Variants in R3HDM2 observed in about 807,000 individuals in gnomAD.
R3HDM2 encodes the protein R3H domain-containing protein 2.
R3HDM2 carries 38 observed loss-of-function variants against 124.5 expected under a neutral mutation model. The observed-to-expected ratio is 0.31, with a 90% CI of 0.24 to 0.40. R3HDM2 has a LOEUF of 0.40. R3HDM2 is among the 10% of genes least tolerant of loss of function. The pLI, the probability that R3HDM2 is intolerant of heterozygous loss-of-function variation, is 1.00. For synonymous variants in R3HDM2, 391 were observed against 448.0 expected (o/e 0.87, Z 1.61); for missense variants, 869 against 1,236.9 (o/e 0.70, Z 4.46).
chr12:57,423,057 C>T (rs2070359299), intron 1 of R3HDM2, among the ~76,000 whole-genome samples: 1 of 151,994 alleles, frequency 6.6e-6, no homozygotes, highest in Admixed American at 6.6e-5. Context: ...ATAGCGTCAC[C>T]AAATATTTGA....
chr12:57,315,496 T>C (rs2054823243), intron 2 of R3HDM2, among the ~76,000 whole-genome samples: 1 of 152,196 alleles, frequency 6.6e-6, no homozygotes, highest in Non-Finnish European at 1.5e-5. Context: ...TTTGTTTCTT[T>C]TTCAAGGATG....
intron 2 of R3HDM2, among the ~76,000 whole-genome samples, chr12:57,391,493 G>A (rs2066675296): frequency 6.6e-6 from 1 of 152,208 alleles, no homozygotes; most frequent in African/African-American, 2.4e-5. Flanking sequence ...GATCCTTGTG[G>A]GGATGGAACT....
At chr12:57,405,431 C>G (rs967718409) in intron 1 of R3HDM2, among the ~76,000 whole-genome samples, 2 of 151,914 alleles carry the variant, frequency 1.3e-5, no homozygotes, top group East Asian at 1.9e-4. Flanking sequence ...ATCAGGAGTT[C>G]GAGACCAGCC....
At chr12:57,369,353 T>C (rs1207252397) in intron 2 of R3HDM2, among the ~76,000 whole-genome samples, 3 of 152,192 alleles carry the variant, frequency 2.0e-5, no homozygotes, top group Admixed American at 1.3e-4. Context: ...TAAAAGACTT[T>C]CATTGTAAAC....
At chr12:57,302,058 A>G (rs1480957488) in intron 4 of R3HDM2, among the ~76,000 whole-genome samples, 1 of 152,112 alleles carries the variant, frequency 6.6e-6, no homozygotes, top group African/African-American at 2.4e-5. Context: ...AGACAGGTGG[A>G]TCGCTTGAGC....
intron 19 of R3HDM2, among the ~76,000 whole-genome samples, chr12:57,260,050 G>A (rs552580144): frequency 6.6e-6 from 1 of 151,964 alleles, no homozygotes; most frequent in African/African-American, 2.4e-5. Context: ...GACTGATTGA[G>A]CCCAGGAGTT....
chr12:57,362,699 G>T (rs954728607), intron 2 of R3HDM2, among the ~76,000 whole-genome samples: 1 of 152,078 alleles, frequency 6.6e-6, no homozygotes, highest in Non-Finnish European at 1.5e-5. Context: ...ATTTCTGCAC[G>T]TTATAAACCC....
At chr12:57,398,796 CCTTT>C (rs1281962947) in intron 1 of R3HDM2, among the ~76,000 whole-genome samples, 1 of 152,250 alleles carries the variant, frequency 6.6e-6, no homozygotes, top group Middle Eastern at 3.4e-3. Context: ...GCCCTCTCTT[CCTTT>C]CTCAGAAGGT....
intron 2 of R3HDM2, among the ~76,000 whole-genome samples, chr12:57,385,664 G>A (rs968451040): frequency 2.6e-5 from 4 of 151,492 alleles, no homozygotes; most frequent in African/African-American, 9.7e-5. Context: ...CTGCACTCCA[G>A]CCTGGGCAAC....
At chr12:57,299,206 G>A (rs2050569095) in intron 6 of R3HDM2, 146 bp downstream of exon 6, 4 of 873,594 alleles carry the variant, frequency 4.6e-6, no homozygotes, top group Non-Finnish European at 6.8e-6. Flanking sequence ...AGCAAAGAAA[G>A]TAACCTCGTT....
chr12:57,403,876 T>G (rs2068274505), intron 1 of R3HDM2, among the ~76,000 whole-genome samples: 2 of 151,978 alleles, frequency 1.3e-5, no homozygotes, highest in South Asian at 4.1e-4. Context: ...CCTTAAAACT[T>G]TGAACCATAT....
In R3HDM2 at chr12:57,286,707, C is replaced by T. The variant is rs1395828725; in HGVS notation, c.938+2302G>A. 4.6e-5 allele frequency among the ~76,000 whole-genome samples: 7 copies of T among 152,120 alleles called. No homozygotes were observed. In the South Asian group the frequency reaches 8.3e-4, roughly 18 times the overall value. On this transcript the variant is annotated intron_variant, in intron 12 of 23. Coordinates refer to ENST00000402412, the MANE Select transcript of R3HDM2 (RefSeq NM_001394031.1). ...GACCAGCCTCAACATGGAGAAACCC[C>T]GTCTCTACTAAAAACACAAAATTAG... is the stretch of plus-strand genomic sequence containing the variant.
intron 2 of R3HDM2, among the ~76,000 whole-genome samples, chr12:57,361,146 T>A (rs1261365853): frequency 6.7e-6 from 1 of 148,862 alleles, no homozygotes; most frequent in Non-Finnish European, 1.5e-5. Flanking sequence ...GAGGCCGAAG[T>A]GGGCAGATCA....
In R3HDM2 at chr12:57,387,965, A is replaced by ATTTT. The variant is rs113022653; in HGVS notation, c.-36+7783_-36+7784insAAAA. On this transcript the variant is annotated intron_variant, in intron 2 of 23. Coordinates refer to ENST00000402412, the MANE Select transcript of R3HDM2 (RefSeq NM_001394031.1). ...CAGGGGCCTCAAGACAGACAAAAAA[A>ATTTT]ATTTTTTTTTTTTAAAAAGACAAAG... Among the ~76,000 whole-genome samples, 72 of 85,556 alleles carry ATTTT rather than the reference A, an allele frequency of 8.4e-4. 1 individual carries two copies. Among genetic ancestry groups the ATTTT allele is most frequent in the South Asian group, 2.5e-3 (9 of 3,596 alleles). The allele number at this position is 85,556 out of a possible 152,430, so 56.1% of individuals were successfully genotyped here. A position where few individuals can be genotyped will look rare whatever the true frequency, so the allele number is the denominator to read the frequency against.
intron 4 of R3HDM2, among the ~76,000 whole-genome samples, chr12:57,302,772 C>T (rs2051530154): frequency 3.7e-5 from 5 of 135,698 alleles, no homozygotes. Context: ...CAGGATTTAT[C>T]ATAAAGAAAA....
intron 2 of R3HDM2, among the ~76,000 whole-genome samples, chr12:57,324,040 GA>G (rs149356630): frequency 0.056 from 8,408 of 149,312 alleles, 662 homozygotes; most frequent in African/African-American, 0.18. Context: ...TCTGGAAAAG[GA>G]AAAAAAAAAT....
chr12:57,381,943 G>A (rs1566423706), intron 2 of R3HDM2, among the ~76,000 whole-genome samples: 1 of 151,436 alleles, frequency 6.6e-6, no homozygotes, highest in Non-Finnish European at 1.5e-5. Flanking sequence ...AGCCTCCTGA[G>A]TAGCTGAAAC....
intron 1 of R3HDM2, among the ~76,000 whole-genome samples, chr12:57,419,944 C>T (rs2070028155): frequency 6.6e-6 from 1 of 152,012 alleles, no homozygotes; most frequent in Admixed American, 6.6e-5. Context: ...ACCTGCCTTA[C>T]GCTAAGACAT....
At chr12:57,334,690 T>A (rs117930448) in intron 2 of R3HDM2, among the ~76,000 whole-genome samples, 1 of 152,256 alleles carries the variant, frequency 6.6e-6, no homozygotes, top group East Asian at 1.9e-4. Context: ...GTAAAGAAAT[T>A]CAAGAATCTT....
Sources: gnomAD v4.1 joint callset for allele counts (sites outside exome capture counted in the v4.1 genomes callset) on GRCh38, gnomAD v4.1.1 for gene constraint, MANE v1.5 for transcripts, NCBI Gene and HGNC (gene_info 2026-07-23, HGNC 2026-07-21) for gene names.